The following PTPRD variants were observed in gnomAD, a reference collection of about 807,000 sequenced individuals.
The protein encoded by PTPRD is receptor-type tyrosine-protein phosphatase delta.
Under a neutral mutation model 214.5 loss-of-function variants are expected in PTPRD, and 34 were observed. The ratio of observed to expected loss-of-function variants is 0.16; its 90% confidence interval spans 0.12 to 0.21. The LOEUF (loss-of-function observed/expected upper bound fraction) is 0.21, where lower values mean the gene tolerates loss of function less well. PTPRD is among the 10% of genes least tolerant of loss of function. The pLI is 1.00. For missense variants in PTPRD, 2,545 were observed against 2,398.7 expected (o/e 1.06, Z -1.27); for synonymous variants, 1,128 against 845.7 (o/e 1.33, Z -5.79).
chr9:8,583,162 T>C (rs1159075731), intron 14 of PTPRD, among the ~76,000 whole-genome samples: 3 of 151,988 alleles, frequency 2.0e-5, no homozygotes, highest in Non-Finnish European at 4.4e-5. Flanking sequence ...TTACGATAGG[T>C]TTTGCACTCC....
At chr9:8,423,754 A>C (rs2094500024) in intron 35 of PTPRD, among the ~76,000 whole-genome samples, 1 of 152,134 alleles carries the variant, frequency 6.6e-6, no homozygotes, top group African/African-American at 2.4e-5. Flanking sequence ...AAACAAGTCA[A>C]TACCAACTAT....
At chr9:10,279,818 G>A (rs567673829) in intron 3 of PTPRD, among the ~76,000 whole-genome samples, 1 of 152,172 alleles carries the variant, frequency 6.6e-6, no homozygotes, top group Middle Eastern at 3.4e-3. Flanking sequence ...TCTGCCATGA[G>A]TAGTCCTGAA....
chr9:8,783,172 A>T (rs999494668), intron 11 of PTPRD, among the ~76,000 whole-genome samples: 2 of 152,192 alleles, frequency 1.3e-5, no homozygotes, highest in South Asian at 4.1e-4. Flanking sequence ...AAATTTTCAT[A>T]AAGAAATCCA....
chr9:9,932,654 C>A (rs2087191798), intron 5 of PTPRD, among the ~76,000 whole-genome samples: 1 of 113,246 alleles, frequency 8.8e-6, no homozygotes, highest in Non-Finnish European at 1.8e-5. Flanking sequence ...AAACACTCTG[C>A]AGGATATTAT....
Position 9,964,760 on chromosome 9 carries a change from T to A in PTPRD, c.-471-26150A>T, listed in dbSNP as rs542529302. Among the ~76,000 whole-genome samples the A allele has an allele frequency of 1.0e-3, 153 of 152,316 alleles. 3 individuals carry two copies. The South Asian group carries it at 0.023, about 23-fold the overall frequency. ...TTTATCTCCATTGCTTATAACTTAG[T>A]GTTCAAAAGTGAAAACATTTTAACA... On this transcript the variant is annotated intron_variant, in intron 4 of 45. Coordinates refer to ENST00000381196, the MANE Select transcript of PTPRD (RefSeq NM_002839.4).
chr9:9,895,890 A>T (rs897882843), intron 5 of PTPRD, among the ~76,000 whole-genome samples: 4 of 152,104 alleles, frequency 2.6e-5, no homozygotes, highest in African/African-American at 9.6e-5. Flanking sequence ...GAAGGTGATG[A>T]ATAAAGTCAT....
At chr9:8,850,869 T>C (rs1218376430) in intron 11 of PTPRD, among the ~76,000 whole-genome samples, 2 of 152,220 alleles carry the variant, frequency 1.3e-5, no homozygotes, top group Non-Finnish European at 2.9e-5. Flanking sequence ...AAAATGTCCC[T>C]TTAGATGGGA....
chr9:8,691,259 G>A (rs1413079610), intron 12 of PTPRD, among the ~76,000 whole-genome samples: 2 of 152,190 alleles, frequency 1.3e-5, no homozygotes, highest in Admixed American at 6.5e-5. Flanking sequence ...TAAAGAGGTC[G>A]TTTATCCAAA....
chr9:9,747,320 C>T lies in PTPRD; in HGVS notation c.-325-12749G>A, dbSNP rs1207939003. Among the ~76,000 whole-genome samples the T allele has an allele frequency of 2.6e-5, 4 of 152,174 alleles. No homozygotes were observed. In the South Asian group the frequency reaches 6.2e-4, roughly 24 times the overall value. On this transcript the variant is annotated intron_variant, in intron 6 of 45. Transcript: ENST00000381196. ...TAAAAGAGGAACCCTCCCAAGAAAA[C>T]ATGTTGCACAGGTTTCAGCATCTCC...
chr9:9,742,278 C>T (rs561906476), intron 6 of PTPRD, among the ~76,000 whole-genome samples: 1 of 152,030 alleles, frequency 6.6e-6, no homozygotes, highest in Non-Finnish European at 1.5e-5. Flanking sequence ...AAGGAAGGAG[C>T]ATGTATGATG....
intron 6 of PTPRD, among the ~76,000 whole-genome samples, chr9:9,748,247 T>A (rs954297464): frequency 6.6e-6 from 1 of 152,198 alleles, no homozygotes; most frequent in Non-Finnish European, 1.5e-5. Context: ...TACTTCTATG[T>A]CCTCTGTACT....
At chr9:8,676,190 G>A (rs1302400817) in intron 12 of PTPRD, among the ~76,000 whole-genome samples, 1 of 152,028 alleles carries the variant, frequency 6.6e-6, no homozygotes, top group Non-Finnish European at 1.5e-5. Context: ...TCACTTTCTA[G>A]ACCTCCTTTA....
chr9:10,222,922 T>C (rs1158862590), intron 3 of PTPRD, among the ~76,000 whole-genome samples: 1 of 151,998 alleles, frequency 6.6e-6, no homozygotes, highest in Non-Finnish European at 1.5e-5. Context: ...TCTCTATTTG[T>C]GTTTGGTGGA....
intron 12 of PTPRD, among the ~76,000 whole-genome samples, chr9:8,706,530 C>G (rs1022464145): frequency 1.3e-5 from 2 of 152,034 alleles, no homozygotes; most frequent in Non-Finnish European, 2.9e-5. Context: ...CCTACTGTGG[C>G]TTTGAAGTTT....
At chr9:9,317,630 A>G (rs1963993261) in intron 9 of PTPRD, among the ~76,000 whole-genome samples, 1 of 151,996 alleles carries the variant, frequency 6.6e-6, no homozygotes, top group South Asian at 2.1e-4. Flanking sequence ...TATACTCCAC[A>G]TTGATGCTGA....
intron 11 of PTPRD, among the ~76,000 whole-genome samples, chr9:8,814,513 G>C (rs904144968): frequency 1.3e-5 from 2 of 152,064 alleles, no homozygotes; most frequent in African/African-American, 2.4e-5. Context: ...CACCAAAGAC[G>C]GCAAAGAAAT....
chr9:8,617,141 T>G (rs541821857), intron 14 of PTPRD, among the ~76,000 whole-genome samples: 1 of 152,152 alleles, frequency 6.6e-6, no homozygotes, highest in East Asian at 1.9e-4. Flanking sequence ...CAAAATACAC[T>G]GAGAGTTCAT....
intron 34 of PTPRD, among the ~76,000 whole-genome samples, chr9:8,444,569 G>C (rs535580040): frequency 5.3e-5 from 8 of 152,022 alleles, no homozygotes; most frequent in Non-Finnish European, 8.8e-5. Flanking sequence ...GGAATGAAGA[G>C]TAATTTTTCT....
At position 9,971,952 on chromosome 9, in the gene PTPRD, T is replaced by G. The variant is rs559740891; in HGVS notation, c.-471-33342A>C. 6.6e-5 allele frequency among the ~76,000 whole-genome samples: 10 copies of G among 152,288 alleles called. No homozygotes were observed. In the East Asian group the frequency reaches 9.7e-4, roughly 15 times the overall value. On this transcript the variant is annotated intron_variant, in intron 4 of 45. Transcript: ENST00000381196. ...TAACATATTAGAACTTCAGCTTTAG[T>G]GACAAAATTGATCAATTAATAAAAT...
Sources: allele counts gnomAD v4.1 joint callset (sites outside exome capture counted in the v4.1 genomes callset), GRCh38; gene constraint gnomAD v4.1.1; transcripts MANE v1.5; gene names NCBI Gene and HGNC (gene_info 2026-07-23, HGNC 2026-07-21).